The following EED variants were observed in gnomAD, a reference collection of about 807,000 sequenced individuals.
EED encodes polycomb protein EED.
Under a neutral mutation model 61.0 loss-of-function variants are expected in EED, and 9 were observed. That is an observed-to-expected ratio of 0.15 (90% confidence interval 0.09 to 0.26). The LOEUF (loss-of-function observed/expected upper bound fraction) is 0.26. Among genes scored for constraint, EED ranks in the 10% least tolerant of loss-of-function variants. The pLI is 1.00. For missense variants in EED, 315 were observed against 542.3 expected, an observed-to-expected ratio of 0.58 and a Z score of 4.16; for synonymous variants, 187 against 174.4, an observed-to-expected ratio of 1.07 and a Z score of -0.57.
chr11:86,250,229 TAG>T (rs1382644415), intron 1 of EED, 65 bp from the exon 2 acceptor site: 11 of 1,349,954 alleles, frequency 8.1e-6, no homozygotes, highest in Non-Finnish European at 1.1e-5. Context: ...ATCTTCCCAG[TAG>T]AGTTATTTAC....
At chr11:86,245,448 G>C (rs116326644) in intron 1 of EED, 105 bp downstream of exon 1, 3 of 939,750 alleles carry the variant, frequency 3.2e-6, no homozygotes, top group East Asian at 5.6e-5. Context: ...GGAGGGAGAG[G>C]TGTCACTCAG....
chr11:86,258,168 A>C (rs1292315727), intron 6 of EED, among the ~76,000 whole-genome samples: 5 of 152,360 alleles, frequency 3.3e-5, no homozygotes, highest in Middle Eastern at 3.4e-3. Flanking sequence ...CAAATTAAAA[A>C]AAAGGTTATA....
At chr11:86,249,122 A>G (rs994722397) in intron 1 of EED, among the ~76,000 whole-genome samples, 1 of 152,232 alleles carries the variant, frequency 6.6e-6, no homozygotes, top group Non-Finnish European at 1.5e-5. Flanking sequence ...TCTACGTTTG[A>G]TGTTAATTAT....
intron 9 of EED, among the ~76,000 whole-genome samples, chr11:86,270,965 A>T (rs919143934): frequency 6.6e-6 from 1 of 151,254 alleles, no homozygotes; most frequent in Non-Finnish European, 1.5e-5. Flanking sequence ...TCCCGCTTTT[A>T]TTTTTTTCAT....
Position 86,277,015 on chromosome 11 carries a change from C to A in EED, c.1002C>A (p.Gly334=), listed in dbSNP as rs199620409. ...CENAIVCWKP[G]KMEDDIDKIK... is the part of the protein sequence containing the mutation. ...ATGCCATTGTGTGCTGGAAACCTGG[C>A]AAGATGGAAGATGATATAGATAAAA... The change falls in exon 10 of 12, where the codon GGC becomes GGA. Residue 334 remains glycine (G), a synonymous_variant. Transcript: ENST00000263360. The A allele has an allele frequency of 1.3e-6, 2 of 1,531,292 alleles. No individual in the cohort carries two copies. The highest frequency in any genetic ancestry group is 2.3e-5 in the East Asian group (1 of 43,148). 94.9% of individuals were successfully genotyped at this position (1,531,292 alleles called of 1,614,324 possible).
Position 86,269,949 on chromosome 11 carries a change from C to G in EED, c.966+1388C>G, listed in dbSNP as rs181908287. 227 of 554,226 alleles carry G rather than the reference C, an allele frequency of 4.1e-4. 3 individuals are homozygous for G. The highest frequency in any genetic ancestry group is 4.0e-3 in the African/African-American group (207 of 52,014). 34.3% of individuals were successfully genotyped at this position (554,226 alleles called of 1,614,324 possible). On this transcript the variant is annotated intron_variant, in intron 9 of 11. Coordinates refer to ENST00000263360, the MANE Select transcript of EED (RefSeq NM_003797.5). ...TTCTGGGCTATTGCAAATAAAGCTG[C>G]TAATCAGCAGTTGTGTCCAGGTTTT...
intron 9 of EED, among the ~76,000 whole-genome samples, chr11:86,268,937 G>A (rs1490148527): frequency 6.6e-6 from 1 of 152,064 alleles, no homozygotes; most frequent in East Asian, 1.9e-4. Flanking sequence ...ATAAAAACAG[G>A]TGGCTGGAGT....
intron 6 of EED, among the ~76,000 whole-genome samples, chr11:86,258,719 C>T (rs1945750092): frequency 6.6e-6 from 1 of 151,456 alleles, no homozygotes; most frequent in Non-Finnish European, 1.5e-5. Flanking sequence ...CCATGCCCGG[C>T]TAATTTTTGT....
intron 6 of EED, among the ~76,000 whole-genome samples, chr11:86,261,377 G>C (rs965829637): frequency 6.6e-6 from 1 of 152,180 alleles, no homozygotes; most frequent in Non-Finnish European, 1.5e-5. Flanking sequence ...GCTGGGTGTG[G>C]AGTTTGGGCC....
At chr11:86,276,312 G>C (rs1028473718) in intron 9 of EED, 1 of 152,172 alleles carries the variant, frequency 6.6e-6, no homozygotes, top group Non-Finnish European at 1.5e-5. Context: ...GATAGGAAAA[G>C]TATAAGTTTG....
chr11:86,256,580 TA>T, intron 5 of EED, 68 bp downstream of exon 5: 1 of 1,400,592 alleles, frequency 7.1e-7, no homozygotes. Flanking sequence ...CTTGTAATGT[TA>T]AATTTAAAAC....
At chr11:86,253,868 T>C (rs1014962333) in intron 3 of EED, among the ~76,000 whole-genome samples, 9 of 151,480 alleles carry the variant, frequency 5.9e-5, no homozygotes, top group Admixed American at 3.9e-4. Flanking sequence ...ACCAACGTGG[T>C]GAAACCCTGT....
chr11:86,254,307 A>G (rs1945613129), intron 3 of EED, among the ~76,000 whole-genome samples: 2 of 150,292 alleles, frequency 1.3e-5, no homozygotes, highest in Admixed American at 6.6e-5. Flanking sequence ...TTTTATTTGA[A>G]TTTTTATTTT....
In EED at chr11:86,257,527, C is replaced by G; in HGVS notation, c.565C>G (p.His189Asp). The G allele has an allele frequency of 6.2e-7, 1 of 1,610,676 alleles. No homozygotes were observed. Among genetic ancestry groups the G allele is most frequent in the Non-Finnish European group, 8.5e-7 (1 of 1,178,520 alleles). Residue 189 changes from histidine to aspartate, a missense_variant, in exon 6 of 12, where the codon CAT becomes GAT. Coordinates refer to ENST00000263360, the MANE Select transcript of EED (RefSeq NM_003797.5). ...AAATTTATTGTAGCACTATGTTGGC[C>G]ATGGAAATGCTATCAATGAGCTGAA... ...TMQCIKHYVG[H>D]GNAINELKFH...
chr11:86,280,355 G>T (rs1452232062), downstream of EED, among the ~76,000 whole-genome samples: 1 of 152,136 alleles, frequency 6.6e-6, no homozygotes, highest in African/African-American at 2.4e-5. Context: ...CCAGGAGTCA[G>T]AACTCACAGG....
At chr11:86,251,639 C>G (rs1161743522) in intron 2 of EED, among the ~76,000 whole-genome samples, 1 of 152,098 alleles carries the variant, frequency 6.6e-6, no homozygotes, top group African/African-American at 2.4e-5. Flanking sequence ...CCCCTAGTCC[C>G]CAGTGTTCAG....
At chr11:86,286,645 T>A in the EED span, among the ~76,000 whole-genome samples, 1 of 152,072 alleles carries the variant, frequency 6.6e-6, no homozygotes, top group Non-Finnish European at 1.5e-5. Context: ...GACAGTAGGT[T>A]TTAAATTTTT....
chr11:86,248,405 T>C (rs574495572), intron 1 of EED, among the ~76,000 whole-genome samples: 2 of 152,310 alleles, frequency 1.3e-5, no homozygotes, highest in African/African-American at 2.4e-5. Flanking sequence ...TTAGCCAGAA[T>C]GTAAAGAAAC....
chr11:86,268,369 C>T, intron 8 of EED, 87 bp from the exon 9 acceptor site: 2 of 897,554 alleles, frequency 2.2e-6, no homozygotes, highest in Non-Finnish European at 3.3e-6. Flanking sequence ...TTTGTTTTTC[C>T]AAGTTTTATA....
Sources: allele counts gnomAD v4.1 joint callset (sites outside exome capture counted in the v4.1 genomes callset), GRCh38; gene constraint gnomAD v4.1.1; transcripts MANE v1.5; gene names NCBI Gene and HGNC (gene_info 2026-07-23, HGNC 2026-07-21).